The following ENTPD5 variants were observed in gnomAD, a reference collection of about 807,000 sequenced individuals.
ENTPD5 encodes ectonucleoside triphosphate diphosphohydrolase 5 (inactive).
A neutral mutation model predicts 60.2 loss-of-function variants in ENTPD5; 49 were observed. The ratio of observed to expected loss-of-function variants is 0.81; its 90% CI spans 0.65 to 1.03. The LOEUF is 1.03. Among genes scored for constraint, ENTPD5 ranks in the 50% least tolerant of loss-of-function variants. The pLI is 0.00. For synonymous variants in ENTPD5, 187 were observed against 185.4 expected (o/e 1.01, Z -0.07); for missense variants, 480 against 507.6 (o/e 0.95, Z 0.52).
rs899535283 is a variant in ENTPD5, at chr14:73,965,471, G to C, written c.*1457C>G. The C allele has an allele frequency of 6.6e-6, 1 of 152,264 alleles. No homozygotes were observed. Among genetic ancestry groups the C allele is most frequent in the African/African-American group, 2.4e-5 (1 of 41,432 alleles). 9.4% of individuals were successfully genotyped at this position (152,264 alleles called of 1,614,324 possible). A position where few individuals can be genotyped will look rare whatever the true frequency, so the allele number is the denominator to read the frequency against. ...AGGCCAGGCGCGGTGTCTCATGCCT[G>C]TAATCCCAGCACTTTGGGAAGCGGG... On this transcript the variant is annotated 3_prime_UTR_variant, in exon 16 of 16. Transcript: ENST00000334696.
intron 15 of ENTPD5, among the ~76,000 whole-genome samples, chr14:73,967,416 G>T (rs1047031567): frequency 6.6e-6 from 1 of 152,244 alleles, no homozygotes; most frequent in African/African-American, 2.4e-5. Context: ...AAAGAGCATG[G>T]TCAGGAGGTG....
chr14:74,004,204 A>G (rs12888125), intron 3 of ENTPD5, among the ~76,000 whole-genome samples: 106,896 of 151,904 alleles, frequency 0.7, 38,067 homozygotes, highest in South Asian at 0.78. Flanking sequence ...GTCTCCCTCT[A>G]TTGCCCAGGT....
intron 3 of ENTPD5, among the ~76,000 whole-genome samples, chr14:73,988,920 T>C (rs902505795): frequency 1.3e-5 from 2 of 151,992 alleles, no homozygotes; most frequent in African/African-American, 4.8e-5. Context: ...GCCTCCCGGG[T>C]TCATGTGATT....
chr14:73,956,189 A>G (rs530662693), downstream of ENTPD5: 111 of 389,598 alleles, frequency 2.8e-4, no homozygotes, highest in South Asian at 1.7e-3. Flanking sequence ...TTAGCCAGGC[A>G]TGGTGGCGGG....
At chr14:73,959,585 T>C (rs1427086333), downstream of ENTPD5, 8 of 1,612,814 alleles carry the variant, frequency 5.0e-6, no homozygotes, top group Non-Finnish European at 6.8e-6. Flanking sequence ...GGTGTTGTTT[T>C]TTTTTTTTTG....
chr14:73,987,049 A>G (rs1011282678), intron 4 of ENTPD5, 156 bp from the exon 5 acceptor site: 1 of 722,708 alleles, frequency 1.4e-6, no homozygotes, highest in Non-Finnish European at 2.5e-6. Context: ...GGAGTACTGG[A>G]AAGAAGGACT....
chr14:74,012,748 T>C (rs541566085), intron 2 of ENTPD5, among the ~76,000 whole-genome samples: 2 of 152,354 alleles, frequency 1.3e-5, no homozygotes, highest in African/African-American at 2.4e-5. Context: ...CCAGGTCTTC[T>C]GATTTTTCAA....
chr14:73,959,496 T>G, downstream of ENTPD5: 1 of 1,614,106 alleles, frequency 6.2e-7, no homozygotes, highest in Non-Finnish European at 8.5e-7. Context: ...TGAGGAAAAA[T>G]TTGTGGATGC....
intron 11 of ENTPD5, 63 bp from the exon 12 acceptor site, chr14:73,974,041 A>G: frequency 7.2e-7 from 1 of 1,393,490 alleles, no homozygotes; most frequent in Non-Finnish European, 1.0e-6. Context: ...GAAGGCAAGC[A>G]AGAAGCCAGT....
At chr14:73,979,266 C>T (rs1409729139) in intron 6 of ENTPD5, among the ~76,000 whole-genome samples, 1 of 152,080 alleles carries the variant, frequency 6.6e-6, no homozygotes, top group Non-Finnish European at 1.5e-5. Context: ...CAACAGATTC[C>T]CTACCTGCCT....
chr14:73,971,599 G>C (rs1236703585), intron 14 of ENTPD5, among the ~76,000 whole-genome samples: 1 of 152,182 alleles, frequency 6.6e-6, no homozygotes, highest in Admixed American at 6.5e-5. Flanking sequence ...TGTGATTATA[G>C]TGCACTATAA....
In ENTPD5 at chr14:73,992,011, G is replaced by GTA. The variant is rs201264011; in HGVS notation, c.-70-3841_-70-3840dup. ...CGAAACTCCGTCTCACAAAAAAAAAGTATATATATATATAAAATATTTTCA... is the reference window on the plus strand; with the variant it reads ...CGAAACTCCGTCTCACAAAAAAAAAGTATATATATATATATAAAATATTTTCA... On this transcript the variant is annotated intron_variant, in intron 3 of 15. Transcript: ENST00000334696. 6.0e-3 allele frequency among the ~76,000 whole-genome samples: 800 copies of GTA among 132,576 alleles called. 4 individuals carry two copies. Among genetic ancestry groups the GTA allele is most frequent in the African/African-American group, 0.018 (723 of 39,724 alleles). The allele number at this position is 132,576 out of a possible 152,430, so 87.0% of individuals were successfully genotyped here. A position where few individuals can be genotyped will look rare whatever the true frequency, so the allele number is the denominator to read the frequency against.
rs750733573 is a variant in ENTPD5 at position 73,964,588 on chromosome 14, T to C, written c.*2340A>G. 2.6e-5 allele frequency: 4 copies of C among 152,328 alleles called. No individual in the cohort carries two copies. The highest frequency in any genetic ancestry group is 1.9e-4 in the East Asian group (1 of 5,190). 9.4% of individuals were successfully genotyped at this position (152,328 alleles called of 1,614,324 possible). On this transcript the variant is annotated 3_prime_UTR_variant, in exon 16 of 16. Transcript: ENST00000334696. ...AGACCAGAGACTTATATCTCTGCAT[T>C]TGTCAAGCTGGAACAGTCTTTAGTG...
chr14:73,971,990 C>T lies in ENTPD5; in HGVS notation c.1028-82G>A, dbSNP rs998922242. 2.4e-5 allele frequency: 20 copies of T among 844,338 alleles called. No homozygotes were observed. The Admixed American group carries it at 3.5e-4, about 15-fold the overall frequency. 52.3% of individuals were successfully genotyped at this position (844,338 alleles called of 1,614,324 possible). On this transcript the variant is annotated intron_variant, in intron 13 of 15. Transcript: ENST00000334696. ...AATTCATTCATTCATTCATTATATA[C>T]ACATGTACATAATGTAATCTATGCA...
At chr14:73,984,701 A>C (rs2057828778) in intron 5 of ENTPD5, among the ~76,000 whole-genome samples, 1 of 149,874 alleles carries the variant, frequency 6.7e-6, no homozygotes, top group Non-Finnish European at 1.5e-5. Context: ...ATTTATTTTT[A>C]ATTAATTAAT....
chr14:73,977,539 G>C (rs1196170752), intron 6 of ENTPD5, among the ~76,000 whole-genome samples, 165 bp from the exon 7 acceptor site: 2 of 152,058 alleles, frequency 1.3e-5, no homozygotes, highest in Non-Finnish European at 2.9e-5. Context: ...AAGAAACTAG[G>C]CAAGCCATTA....
downstream of ENTPD5, chr14:73,961,326 G>A: frequency 6.2e-7 from 1 of 1,614,202 alleles, no homozygotes; most frequent in African/African-American, 1.3e-5. Flanking sequence ...GTTTCCTCTT[G>A]GGTTGGGACA....
chr14:73,981,966 T>A (rs2057709102), intron 6 of ENTPD5, among the ~76,000 whole-genome samples: 1 of 152,116 alleles, frequency 6.6e-6, no homozygotes, highest in Non-Finnish European at 1.5e-5. Context: ...GGAAGCAAAT[T>A]AGTGATTGGT....
At chr14:73,996,209 A>G in intron 3 of ENTPD5, 9 of 985,248 alleles carry the variant, frequency 9.1e-6, no homozygotes, top group Non-Finnish European at 8.4e-6. Context: ...AGCCTCATGA[A>G]CCGCATTCAC....
Sources: gnomAD v4.1 joint callset for allele counts (sites outside exome capture counted in the v4.1 genomes callset) on GRCh38, gnomAD v4.1.1 for gene constraint, MANE v1.5 for transcripts, NCBI Gene and HGNC (gene_info 2026-07-23, HGNC 2026-07-21) for gene names.